The following RALGAPA1 variants were observed in gnomAD, a reference collection of about 807,000 sequenced individuals.
RALGAPA1 encodes the protein ral GTPase-activating protein subunit alpha-1.
A neutral mutation model predicts 269.6 loss-of-function variants in RALGAPA1; 52 were observed. The observed-to-expected ratio is 0.19, with a 90% CI of 0.15 to 0.24. The LOEUF is 0.24. Ranked by LOEUF, RALGAPA1 falls within the 10% of genes least tolerant of loss-of-function variation. The probability of loss-of-function intolerance (pLI) is 1.00; values close to 1 mark genes in which losing one functional copy is unlikely to be tolerated. For missense variants in RALGAPA1, 1,917 were observed against 3,013.9 expected, an observed-to-expected ratio of 0.64 and a Z score of 8.52; for synonymous variants, 817 against 1,008.3, an observed-to-expected ratio of 0.81 and a Z score of 3.60.
chr14:35,788,518 C>T (rs1393220220), intron 1 of RALGAPA1, among the ~76,000 whole-genome samples: 1 of 152,110 alleles, frequency 6.6e-6, no homozygotes, highest in Non-Finnish European at 1.5e-5. Flanking sequence ...GGCACAGTGG[C>T]TCATGCCTGT....
At chr14:35,560,378 C>T (rs767707591) in intron 39 of RALGAPA1, among the ~76,000 whole-genome samples, 5 of 152,110 alleles carry the variant, frequency 3.3e-5, no homozygotes, top group Non-Finnish European at 7.4e-5. Context: ...TTTATGCCTC[C>T]ATGTCCACTT....
intron 26 of RALGAPA1, among the ~76,000 whole-genome samples, chr14:35,669,083 T>G (rs1210173066): frequency 6.6e-6 from 1 of 152,144 alleles, no homozygotes. Flanking sequence ...AGGGACATAT[T>G]TATGTATATT....
chr14:35,547,956 C>T (rs1198995889), intron 41 of RALGAPA1, among the ~76,000 whole-genome samples: 2 of 151,694 alleles, frequency 1.3e-5, no homozygotes, highest in Admixed American at 6.6e-5. Context: ...AGTGTTGTGC[C>T]TTTTGAATTT....
Position 35,548,593 on chromosome 14 carries a change from A to G in RALGAPA1, c.7622-55T>C. 2.4e-6 allele frequency: 3 copies of G among 1,234,346 alleles called. No individual in the cohort carries two copies. The East Asian group carries it at 7.3e-5, about 30-fold the overall frequency. The allele number at this position is 1,234,346 out of a possible 1,614,324, so 76.5% of individuals were successfully genotyped here. A position where few individuals can be genotyped will look rare whatever the true frequency, so the allele number is the denominator to read the frequency against. On this transcript the variant is annotated intron_variant, in intron 40 of 41. Transcript: ENST00000680220. The stretch of plus-strand genomic sequence containing the variant: ...TAAGGAGAGCAAGATATTACAGAAT[A>G]GGAAGGCCACGAGTCATTTATTTTC...
intron 16 of RALGAPA1, among the ~76,000 whole-genome samples, chr14:35,713,269 T>C (rs75871822): frequency 0.044 from 6,768 of 152,186 alleles, 400 homozygotes; most frequent in South Asian, 0.14. Flanking sequence ...GAGAGATACT[T>C]AGCTCAAGAT....
At chr14:35,766,414 TAC>T in intron 4 of RALGAPA1, 1 of 1,573,684 alleles carries the variant, frequency 6.4e-7, no homozygotes, top group South Asian at 1.1e-5. Context: ...TCAAGTGAAG[TAC>T]AGTCTCTTTG....
At chr14:35,569,591 T>C (rs2057000686) in intron 39 of RALGAPA1, among the ~76,000 whole-genome samples, 1 of 152,204 alleles carries the variant, frequency 6.6e-6, no homozygotes. Context: ...AATCTGGCTC[T>C]GGAAGTTATG....
chr14:35,584,414 A>C (rs1421651603), intron 37 of RALGAPA1, among the ~76,000 whole-genome samples: 1 of 151,942 alleles, frequency 6.6e-6, no homozygotes, highest in Non-Finnish European at 1.5e-5. Context: ...ATGGGGATAC[A>C]CCATCATGCC....
chr14:35,605,718 C>CA lies in RALGAPA1; in HGVS notation c.6930-10dup. ...TCTTGTGTGTCTCTCGGCTATAAAA[C>CA]AAAAGATTACACCATTAATTTAATC... is the stretch of plus-strand genomic sequence containing the variant. On this transcript the variant is annotated splice_polypyrimidine_tract_variant and intron_variant, in intron 35 of 41. Transcript: ENST00000680220. The CA allele has an allele frequency of 1.2e-6, 2 of 1,603,256 alleles. No individual in the cohort carries two copies. Among genetic ancestry groups the CA allele is most frequent in the Non-Finnish European group, 1.7e-6 (2 of 1,177,328 alleles).
intron 1 of RALGAPA1, among the ~76,000 whole-genome samples, chr14:35,806,596 C>G (rs2077400198): frequency 6.6e-6 from 1 of 152,168 alleles, no homozygotes; most frequent in Non-Finnish European, 1.5e-5. Context: ...TGTTCTCATA[C>G]ATATAGATGC....
chr14:35,581,501 G>GA (rs982154585), intron 37 of RALGAPA1, among the ~76,000 whole-genome samples: 1 of 152,052 alleles, frequency 6.6e-6, no homozygotes, highest in African/African-American at 2.4e-5. Flanking sequence ...ATATAGAGCT[G>GA]AAACATTGCT....
chr14:35,779,721 C>T (rs1239982210), intron 1 of RALGAPA1, among the ~76,000 whole-genome samples: 1 of 152,024 alleles, frequency 6.6e-6, no homozygotes, highest in Non-Finnish European at 1.5e-5. Flanking sequence ...CATGAATCAA[C>T]TCAAGATTTT....
intron 35 of RALGAPA1, among the ~76,000 whole-genome samples, chr14:35,611,893 C>T (rs1417371839): frequency 6.6e-6 from 1 of 152,106 alleles, no homozygotes; most frequent in African/African-American, 2.4e-5. Flanking sequence ...AAACTTGCTA[C>T]AAAAGTCATC....
chr14:35,635,625 T>C (rs1199930242), intron 31 of RALGAPA1, 27 bp from the exon 32 acceptor site: 1 of 1,508,024 alleles, frequency 6.6e-7, no homozygotes, highest in Non-Finnish European at 8.9e-7. Flanking sequence ...ATCATTATAA[T>C]TGTACATTCA....
chr14:35,684,264 T>C (rs2065723862), intron 20 of RALGAPA1, among the ~76,000 whole-genome samples: 1 of 152,232 alleles, frequency 6.6e-6, no homozygotes, highest in South Asian at 2.1e-4. Flanking sequence ...TTTAAAAATT[T>C]GGTGCCCTTC....
In RALGAPA1 at chr14:35,775,592, T is replaced by G. The variant is rs114084762; in HGVS notation, c.217+43A>C. 8.7e-4 allele frequency: 1,336 copies of G among 1,538,306 alleles called. 18 individuals carry two copies. The African/African-American group carries it at 0.017, about 20-fold the overall frequency. ...CTTTAAGTTATGTTTATGACAATTA[T>G]TAGAAATATTAACATACGCCAAGAT... is the stretch of plus-strand genomic sequence containing the variant. On this transcript the variant is annotated intron_variant, in intron 2 of 41. Transcript: ENST00000680220.
chr14:35,796,530 C>A (rs1265492682), intron 1 of RALGAPA1, among the ~76,000 whole-genome samples: 1 of 152,096 alleles, frequency 6.6e-6, no homozygotes, highest in African/African-American at 2.4e-5. Context: ...ATCCAAGAAG[C>A]TCAATTAATC....
chr14:35,665,551 A>G (rs2063860114), intron 26 of RALGAPA1, among the ~76,000 whole-genome samples: 1 of 152,198 alleles, frequency 6.6e-6, no homozygotes. Context: ...CCAACCTCCA[A>G]GAGGATTTCC....
rs142459123 is a variant in RALGAPA1 at position 35,554,920 on chromosome 14, A to G, written c.7497-5686T>C. ...TACAACTTCTAGAAGGAATGAATAA[A>G]GTTGGTTTGATAGTAGATTAGGAGA... On this transcript the variant is annotated intron_variant, in intron 39 of 41. Coordinates refer to ENST00000680220, the MANE Select transcript of RALGAPA1 (RefSeq NM_001346249.2). Among the ~76,000 whole-genome samples the G allele has an allele frequency of 7.2e-5, 11 of 152,310 alleles. No individual in the cohort carries two copies. The East Asian group carries it at 2.1e-3, about 29-fold the overall frequency.
Sources: allele counts gnomAD v4.1 joint callset (sites outside exome capture counted in the v4.1 genomes callset), GRCh38; gene constraint gnomAD v4.1.1; transcripts MANE v1.5; gene names NCBI Gene and HGNC (gene_info 2026-07-23, HGNC 2026-07-21).